Variants in NINL observed in about 807,000 individuals in gnomAD.
NINL encodes the protein ninein like.
In NINL, 153 loss-of-function variants were observed where a neutral mutation model predicts 160.3. The ratio of observed to expected loss-of-function variants is 0.95; its 90% confidence interval spans 0.84 to 1.09. The LOEUF (loss-of-function observed/expected upper bound fraction) is 1.09. Ranked by LOEUF, NINL falls within the 50% of genes least tolerant of loss-of-function variation. NINL has a pLI of 0.00. For synonymous variants in NINL, 800 were observed against 734.8 expected, an observed-to-expected ratio of 1.09 and a Z score of -1.43; for missense variants, 1,829 against 1,764.0, an observed-to-expected ratio of 1.04 and a Z score of -0.66.
intron 1 of NINL, among the ~76,000 whole-genome samples, chr20:25,533,306 A>G (rs2064499728): frequency 6.6e-6 from 1 of 152,188 alleles, no homozygotes. Flanking sequence ...ACGCGCACAC[A>G]GAAAAATTGC....
At chr20:25,560,541 C>G (rs2064921937) in intron 1 of NINL, among the ~76,000 whole-genome samples, 1 of 152,202 alleles carries the variant, frequency 6.6e-6, no homozygotes, top group South Asian at 2.1e-4. Context: ...CCCAGCAGCC[C>G]TGAGTGCTGC....
chr20:25,521,501 G>A (rs1233741903), intron 2 of NINL, among the ~76,000 whole-genome samples: 1 of 152,142 alleles, frequency 6.6e-6, no homozygotes, highest in Non-Finnish European at 1.5e-5. Context: ...TTTATCATAT[G>A]CTGGTCATTG....
intron 6 of NINL, 43 bp downstream of exon 6, chr20:25,504,845 A>G: frequency 1.3e-6 from 2 of 1,597,756 alleles, no homozygotes; most frequent in Non-Finnish European, 8.5e-7. Flanking sequence ...AACCGTGACC[A>G]TGGCCAGGAA....
At chr20:25,479,229 C>T (rs201064087) in intron 15 of NINL, 23 bp from the exon 16 acceptor site, 171 of 1,581,950 alleles carry the variant, frequency 1.1e-4, no homozygotes, top group Non-Finnish European at 1.3e-4. Context: ...ACATGAGCCC[C>T]GTGGACCAGG....
chr20:25,502,333 G>C (rs1489398035), intron 7 of NINL, among the ~76,000 whole-genome samples: 1 of 152,264 alleles, frequency 6.6e-6, no homozygotes, highest in Admixed American at 6.5e-5. Flanking sequence ...CCTACCCCCA[G>C]TGCAGAACAG....
At position 25,526,506 on chromosome 20, in the gene NINL, C is replaced by G. The variant is rs1390114108; in HGVS notation, c.82G>C (p.Asp28His). 1 of 1,614,104 alleles carries G rather than the reference C, an allele frequency of 6.2e-7. No individual in the cohort carries two copies. The highest frequency in any genetic ancestry group is 1.3e-5 in the African/African-American group (1 of 74,940). ...CAGAGCTGGGTCAGCTCCTGGCGGT[C>G]CAGAAAGCCAGTCCCCGTGGTGTCG... The part of the protein sequence containing the change: ...SCDTTGTGFL[D>H]RQELTQLCLK... The change falls in exon 2 of 24, where the codon GAC (aspartate) becomes CAC (histidine). Residue 28 changes from aspartate (D) to histidine (H), a missense_variant. By Grantham distance (81) the Asp-to-His change is moderately conservative (BLOSUM62 -1). Transcript: ENST00000278886.
intron 1 of NINL, among the ~76,000 whole-genome samples, chr20:25,542,489 T>C (rs1433224860): frequency 6.6e-6 from 1 of 151,846 alleles, no homozygotes; most frequent in East Asian, 1.9e-4. Flanking sequence ...TCAAATCTGA[T>C]GAAAGACATG....
chr20:25,553,115 T>TTTTTTTTG (rs2064825223), intron 1 of NINL, among the ~76,000 whole-genome samples: 2 of 144,744 alleles, frequency 1.4e-5, no homozygotes, highest in African/African-American at 5.1e-5. Flanking sequence ...TTTTTTTTTT[T>TTTTTTTTG]TTTTTTGGAG....
At chr20:25,504,198 A>G in intron 6 of NINL, 94 bp from the exon 7 acceptor site, 1 of 1,347,152 alleles carries the variant, frequency 7.4e-7, no homozygotes, top group Non-Finnish European at 1.0e-6. Context: ...TCTGGTTCCA[A>G]GTACCCAACA....
chr20:25,484,151 C>T (rs2063459370), intron 13 of NINL, among the ~76,000 whole-genome samples: 1 of 152,178 alleles, frequency 6.6e-6, no homozygotes, highest in African/African-American at 2.4e-5. Flanking sequence ...GCACAGGTAC[C>T]CCCAAATCTA....
chr20:25,454,459 C>T (rs2090616299), intron 23 of NINL, among the ~76,000 whole-genome samples: 1 of 151,930 alleles, frequency 6.6e-6, no homozygotes, highest in Admixed American at 6.6e-5. Flanking sequence ...GGGTGTGTGC[C>T]AGGGAGAAAG....
chr20:25,468,814 C>A (rs1242520944), intron 18 of NINL, among the ~76,000 whole-genome samples: 3 of 144,882 alleles, frequency 2.1e-5, no homozygotes, highest in Admixed American at 2.0e-4. Flanking sequence ...CTGGTGGGCA[C>A]CCCCCTACCC....
chr20:25,465,945 C>T (rs1440853015), intron 19 of NINL, among the ~76,000 whole-genome samples: 1 of 152,140 alleles, frequency 6.6e-6, no homozygotes, highest in African/African-American at 2.4e-5. Context: ...TGTGGCGAGG[C>T]GGGAGATGCA....
At chr20:25,509,443 G>C (rs1461037082) in intron 5 of NINL, among the ~76,000 whole-genome samples, 2 of 152,246 alleles carry the variant, frequency 1.3e-5, no homozygotes, top group Non-Finnish European at 2.9e-5. Flanking sequence ...AAGCTCTGCA[G>C]CAGCAGTGTA....
At chr20:25,474,807 CAG>C (rs1373202037) in intron 17 of NINL, among the ~76,000 whole-genome samples, 1 of 149,504 alleles carries the variant, frequency 6.7e-6, no homozygotes, top group East Asian at 2.0e-4. Flanking sequence ...TTTTTGGAGA[CAG>C]AGTTTCGCTC....
intron 2 of NINL, among the ~76,000 whole-genome samples, chr20:25,522,983 C>A (rs1432544066): frequency 6.6e-6 from 1 of 152,092 alleles, no homozygotes; most frequent in South Asian, 2.1e-4. Flanking sequence ...GGTTCCGGGA[C>A]CCTTGGCAGA....
At chr20:25,517,503 A>T (rs534206995) in intron 3 of NINL, among the ~76,000 whole-genome samples, 2 of 152,370 alleles carry the variant, frequency 1.3e-5, no homozygotes, top group South Asian at 4.1e-4. Flanking sequence ...GATTCCGATC[A>T]GTCACATTAG....
intron 1 of NINL, among the ~76,000 whole-genome samples, chr20:25,566,209 A>T (rs1181999265): frequency 6.6e-6 from 1 of 152,208 alleles, no homozygotes; most frequent in African/African-American, 2.4e-5. Flanking sequence ...ATCTAGAAAA[A>T]TCCAAAAATA....
Position 25,555,878 on chromosome 20 carries a change from T to C in NINL, c.-11-29280A>G, listed in dbSNP as rs920398523. On this transcript the variant is annotated intron_variant, in intron 1 of 23. Coordinates refer to ENST00000278886, the MANE Select transcript of NINL (RefSeq NM_025176.6). ...TTAGTAGAGACAGGGTTTCACCACA[T>C]TGGCCAGGCTGGTCTCGAACTCCTG... 4.6e-5 allele frequency among the ~76,000 whole-genome samples: 7 copies of C among 152,104 alleles called. No homozygotes were observed. The East Asian group carries it at 7.8e-4, about 17-fold the overall frequency.
Sources: allele counts gnomAD v4.1 joint callset (sites outside exome capture counted in the v4.1 genomes callset), GRCh38; gene constraint gnomAD v4.1.1; transcripts MANE v1.5; gene names NCBI Gene and HGNC (gene_info 2026-07-23, HGNC 2026-07-21).